LOXHD1: variants seen among roughly 807,000 people sequenced by gnomAD.
The protein encoded by LOXHD1 is lipoxygenase homology PLAT domains 1.
In LOXHD1, 205 loss-of-function variants were observed where a neutral mutation model predicts 248.2. The observed-to-expected ratio is 0.83, with a 90% CI of 0.74 to 0.93. LOXHD1 has a LOEUF of 0.93. Ranked by LOEUF, LOXHD1 falls within the 40% of genes least tolerant of loss-of-function variation. LOXHD1 has a pLI of 0.00. For synonymous variants in LOXHD1, 1,113 were observed against 1,162.8 expected (o/e 0.96, Z 0.87); for missense variants, 2,930 against 2,971.6 (o/e 0.99, Z 0.33).
intron 34 of LOXHD1, among the ~76,000 whole-genome samples, chr18:46,516,731 CCAT>C (rs1483060552): frequency 6.6e-6 from 1 of 151,882 alleles, no homozygotes; most frequent in Non-Finnish European, 1.5e-5. Context: ...ATCATAATCA[CCAT>C]CATCACCATC....
At chr18:46,630,231 G>C (rs1023570067) in intron 4 of LOXHD1, among the ~76,000 whole-genome samples, 1 of 152,242 alleles carries the variant, frequency 6.6e-6, no homozygotes, top group Non-Finnish European at 1.5e-5. Context: ...CCCCAGGTCA[G>C]CTGCAACGCA....
intron 26 of LOXHD1, among the ~76,000 whole-genome samples, chr18:46,535,622 G>T (rs1163334307): frequency 1.3e-5 from 2 of 152,138 alleles, no homozygotes; most frequent in Non-Finnish European, 1.5e-5. Flanking sequence ...AGGCTGGAGT[G>T]CAGTGGCGCA....
intron 29 of LOXHD1, 100 bp from the exon 30 acceptor site, chr18:46,525,017 C>T (rs1598916586): frequency 3.7e-6 from 5 of 1,347,886 alleles, no homozygotes; most frequent in Admixed American, 4.0e-5. Flanking sequence ...TCAGTTGCTG[C>T]ACTGAACAGA....
intron 19 of LOXHD1, among the ~76,000 whole-genome samples, chr18:46,559,818 T>C (rs922810372): frequency 1.3e-5 from 2 of 152,192 alleles, no homozygotes; most frequent in Admixed American, 1.3e-4. Flanking sequence ...CCTCAGTCAG[T>C]TGTATTGAGT....
intron 28 of LOXHD1, among the ~76,000 whole-genome samples, chr18:46,531,150 T>C (rs1361784129): frequency 1.3e-5 from 2 of 151,942 alleles, no homozygotes; most frequent in Non-Finnish European, 1.5e-5. Context: ...AGCTCCTGAG[T>C]GCATTGTGAG....
intron 27 of LOXHD1, 111 bp downstream of exon 27, chr18:46,534,224 T>C (rs1416887841): frequency 1.5e-6 from 1 of 684,604 alleles, no homozygotes; most frequent in East Asian, 2.8e-5. Context: ...ATTATGAGAT[T>C]TTTATCTCAA....
intron 5 of LOXHD1, among the ~76,000 whole-genome samples, chr18:46,611,734 A>AT (rs1451720378): frequency 6.6e-6 from 1 of 152,172 alleles, no homozygotes; most frequent in Non-Finnish European, 1.5e-5. Context: ...AGATACTAAC[A>AT]TTTTGTCCAG....
In LOXHD1 at chr18:46,522,230, G is replaced by A. The variant is rs187103862; in HGVS notation, c.4956C>T (p.Ile1652=). The A allele has an allele frequency of 6.2e-5, 96 of 1,551,824 alleles. No homozygotes were observed. In the African/African-American group the frequency reaches 9.0e-4, roughly 15 times the overall value. ...ATDSRAFIFL[I]GEDDERSKRI... ...GCTTACTACGTTCATCATCCTCCCC[G>A]ATGAGAAAGATGAAGGCTCGGCTGT... Residue 1652 remains isoleucine (I), a synonymous_variant, in exon 32 of 41, where the codon ATC becomes ATT. Coordinates refer to ENST00000642948, the MANE Select transcript of LOXHD1 (RefSeq NM_001384474.1).
chr18:46,620,439 A>G (rs186944263), intron 4 of LOXHD1, among the ~76,000 whole-genome samples: 47 of 152,358 alleles, frequency 3.1e-4, no homozygotes, highest in Middle Eastern at 6.8e-3. Flanking sequence ...ACAGTGAAGC[A>G]GGAGAAAGGA....
intron 4 of LOXHD1, among the ~76,000 whole-genome samples, chr18:46,626,010 G>A (rs2038737420): frequency 6.6e-6 from 1 of 152,184 alleles, no homozygotes; most frequent in African/African-American, 2.4e-5. Context: ...AGCCTTCCTG[G>A]AGGGCAGGTG....
intron 37 of LOXHD1, among the ~76,000 whole-genome samples, chr18:46,500,071 T>C (rs1034026323): frequency 6.6e-6 from 1 of 151,780 alleles, no homozygotes; most frequent in African/African-American, 2.4e-5. Context: ...AAGATGGAGG[T>C]AATTCCTTCC....
At chr18:46,494,037 C>T (rs2033669899) in intron 37 of LOXHD1, among the ~76,000 whole-genome samples, 1 of 152,194 alleles carries the variant, frequency 6.6e-6, no homozygotes. Context: ...TGCCTATTGT[C>T]CTCTGGACAA....
intron 7 of LOXHD1, among the ~76,000 whole-genome samples, chr18:46,602,033 C>A (rs2038348283): frequency 6.6e-6 from 1 of 151,982 alleles, no homozygotes; most frequent in Non-Finnish European, 1.5e-5. Flanking sequence ...TTGGTTGGGC[C>A]ATTTGAGGTT....
At position 46,597,743 on chromosome 18, in the gene LOXHD1, T is replaced by C. The variant is rs185160232; in HGVS notation, c.1135-3277A>G. Among the ~76,000 whole-genome samples the C allele has an allele frequency of 2.2e-3, 340 of 152,006 alleles. 1 individual carries two copies. The highest frequency in any genetic ancestry group is 4.3e-3 in the Non-Finnish European group (290 of 67,958). On this transcript the variant is annotated intron_variant, in intron 8 of 40. Coordinates refer to ENST00000642948, the MANE Select transcript of LOXHD1 (RefSeq NM_001384474.1). Reference sequence around the variant, plus strand: ...AGGAATAAGGGGCCAATGCTACTCATGAACATAGAAAAATTCTTTTTTTTT... The same window carrying C: ...AGGAATAAGGGGCCAATGCTACTCACGAACATAGAAAAATTCTTTTTTTTT...
chr18:46,524,801 A>G lies in LOXHD1; in HGVS notation c.4647T>C (p.Asn1549=), dbSNP rs2035749826. Residue 1549 remains asparagine (N), a synonymous_variant, in exon 30 of 41, where the codon AAT becomes AAC. Transcript: ENST00000642948. ...DWYVEKVEIW[N]DTNEDEFLFL... Reference sequence around the variant, plus strand: ...ACAGGAACTCGTCCTCGTTGGTGTCATTCCAGATCTCCACCTTCTCCACGT... The same window carrying G: ...ACAGGAACTCGTCCTCGTTGGTGTCGTTCCAGATCTCCACCTTCTCCACGT... 6.4e-7 allele frequency: 1 copy of G among 1,551,524 alleles called. No individual in the cohort carries two copies. The highest frequency in any genetic ancestry group is 8.7e-7 in the Non-Finnish European group (1 of 1,146,978).
chr18:46,576,846 C>T (rs2037866706), intron 14 of LOXHD1, among the ~76,000 whole-genome samples: 1 of 152,162 alleles, frequency 6.6e-6, no homozygotes, highest in Non-Finnish European at 1.5e-5. Context: ...CGCCTGTAGG[C>T]ACAGGCATGC....
At position 46,642,012 on chromosome 18, in the gene LOXHD1, G is replaced by A; in HGVS notation, c.270C>T (p.Gly90=). Residue 90 remains glycine (G), a synonymous_variant, in exon 3 of 41, where the codon GGC becomes GGT. Coordinates refer to ENST00000642948, the MANE Select transcript of LOXHD1 (RefSeq NM_001384474.1). ...TTCTCACCCGGAACACATCGACGTT[G>A]CCCTTCTCAAAGGCAGACTTGCTCC... ...TSKSKSAFEK[G]NVDVFRVRTN... is the part of the protein sequence containing the mutation. 6.4e-7 allele frequency: 1 copy of A among 1,552,348 alleles called. No individual in the cohort carries two copies. The highest frequency in any genetic ancestry group is 8.7e-7 in the Non-Finnish European group (1 of 1,147,114).
chr18:46,601,670 T>C lies in LOXHD1; in HGVS notation c.884-203A>G, dbSNP rs987354726. ...TCTTTTCCAGAGTTTGTGTGTCCAA[T>C]GCATCTGAGTTTGAGAATAAACCGC... On this transcript the variant is annotated intron_variant, in intron 7 of 40. Transcript: ENST00000642948. 353 of 652,032 alleles carry C rather than the reference T, an allele frequency of 5.4e-4. 5 individuals are homozygous for C. The highest frequency in any genetic ancestry group is 1.3e-4 in the Non-Finnish European group (48 of 378,814). 40.4% of individuals were successfully genotyped at this position (652,032 alleles called of 1,614,324 possible). A position where few individuals can be genotyped will look rare whatever the true frequency, so the allele number is the denominator to read the frequency against.
intron 2 of LOXHD1, among the ~76,000 whole-genome samples, chr18:46,643,220 C>T (rs1395112027): frequency 6.6e-6 from 1 of 152,154 alleles, no homozygotes; most frequent in Non-Finnish European, 1.5e-5. Flanking sequence ...AAGAGACCCC[C>T]ACAGGATGCA....
Sources: allele counts gnomAD v4.1 joint callset (sites outside exome capture counted in the v4.1 genomes callset), GRCh38; gene constraint gnomAD v4.1.1; transcripts MANE v1.5; gene names NCBI Gene and HGNC (gene_info 2026-07-23, HGNC 2026-07-21).